Variants in NEB observed in about 807,000 individuals in gnomAD.
NEB encodes the protein nemaline myopathy type 2.
Under a neutral mutation model 952.2 loss-of-function variants are expected in NEB, and 512 were observed. The ratio of observed to expected loss-of-function variants is 0.54; its 90% CI spans 0.50 to 0.58. The LOEUF (loss-of-function observed/expected upper bound fraction) is 0.58. NEB is among the 20% of genes least tolerant of loss of function. The pLI is 0.00. For missense variants in NEB, 8,428 were observed against 9,231.1 expected (o/e 0.91, Z 3.56); for synonymous variants, 2,900 against 3,149.8 (o/e 0.92, Z 2.66).
At chr2:151,643,458 A>G in intron 57 of NEB, 105 bp from the exon 58 acceptor site, 1 of 976,324 alleles carries the variant, frequency 1.0e-6, no homozygotes, top group African/African-American at 1.6e-5. Flanking sequence ...TTCATATTAT[A>G]CTCTATATTT....
chr2:151,487,359 A>G (rs981267036), intron 181 of NEB, among the ~76,000 whole-genome samples: 1 of 152,192 alleles, frequency 6.6e-6, no homozygotes, highest in Admixed American at 6.5e-5. Context: ...TGTAACCTAT[A>G]TGGTTTTTTC....
intron 161 of NEB, among the ~76,000 whole-genome samples, chr2:151,509,297 G>A (rs961814966): frequency 6.7e-6 from 1 of 149,116 alleles, no homozygotes; most frequent in African/African-American, 2.4e-5. Context: ...AAAGTCACCT[G>A]GATGACTCCT....
chr2:151,493,910 T>TAATC (rs1285895048), intron 174 of NEB, 43 bp from the exon 175 acceptor site: 2 of 1,280,514 alleles, frequency 1.6e-6, no homozygotes, highest in South Asian at 1.4e-5. Flanking sequence ...TACGAGGTAA[T>TAATC]AATCACTATT....
intron 45 of NEB, among the ~76,000 whole-genome samples, chr2:151,662,972 G>A (rs527821690): frequency 1.8e-4 from 28 of 152,196 alleles, no homozygotes; most frequent in Non-Finnish European, 2.9e-4. Flanking sequence ...CCTTGCTTTC[G>A]TCTGCTTTGG....
rs1385956363 is a variant in NEB at position 151,514,795 on chromosome 2, A to G, written c.23016+23T>C. On this transcript the variant is annotated intron_variant, in intron 158 of 181. Coordinates refer to ENST00000397345, the MANE Select transcript of NEB (RefSeq NM_001164508.2). ...TGCAATTATTTGGATTAAGAGGGAA[A>G]GAAAAGACCAAGTGGGCACTACCTC... 1.6e-5 allele frequency: 24 copies of G among 1,481,396 alleles called. No homozygotes were observed. The African/African-American group carries it at 1.8e-4, about 11-fold the overall frequency. The allele number at this position is 1,481,396 out of a possible 1,614,324, so 91.8% of individuals were successfully genotyped here.
At chr2:151,687,589 C>T in intron 26 of NEB, 37 bp downstream of exon 26, 3 of 1,613,512 alleles carry the variant, frequency 1.9e-6, no homozygotes, top group Non-Finnish European at 8.5e-7. Context: ...CCCAAGGCCA[C>T]CCTGTCCAGG....
intron 58 of NEB, 127 bp downstream of exon 58, chr2:151,643,023 A>G (rs2098902904): frequency 1.7e-6 from 2 of 1,199,240 alleles, no homozygotes; most frequent in Non-Finnish European, 2.4e-6. Context: ...TAAGAAGCAC[A>G]ATACTTTAAA....
At position 151,531,799 on chromosome 2, in the gene NEB, A is replaced by T; in HGVS notation, c.21515T>A (p.Ile7172Asn). ...AGTGTTTCTTGCACTTACATCGCTGATTTGTTTGTTGACTTTTGTAGTACG... is the reference window on the plus strand; with the variant it reads ...AGTGTTTCTTGCACTTACATCGCTGTTTTGTTTGTTGACTTTTGTAGTACG... ...HLRTTKVNKQ[I>N]SDILYKLEYN... The change falls in exon 144 of 182, where the codon ATC (isoleucine) becomes AAC (asparagine). Residue 7172 changes from isoleucine (I) to asparagine (N), a missense_variant. By Grantham distance (149) the Ile-to-Asn change is moderately radical. Transcript: ENST00000397345. The T allele has an allele frequency of 6.2e-7, 1 of 1,609,574 alleles. No individual in the cohort carries two copies. The highest frequency in any genetic ancestry group is 8.5e-7 in the Non-Finnish European group (1 of 1,176,688).
At position 151,631,463 on chromosome 2, in the gene NEB, C is replaced by T. The variant is rs577792197; in HGVS notation, c.9415-117G>A. 8.9e-5 allele frequency: 102 copies of T among 1,141,106 alleles called. No homozygotes were observed. In the African/African-American group the frequency reaches 1.2e-3, roughly 13 times the overall value. The allele number at this position is 1,141,106 out of a possible 1,614,324, so 70.7% of individuals were successfully genotyped here. On this transcript the variant is annotated intron_variant, in intron 65 of 181. Coordinates refer to ENST00000397345, the MANE Select transcript of NEB (RefSeq NM_001164508.2). ...GTTTTCTATTCGTAGAAAACAAGCG[C>T]GTTGTATAAGGCAAACTAAAAGAAT...
chr2:151,505,429 T>C (rs371713922), intron 165 of NEB, 49 bp downstream of exon 165: 124 of 1,470,698 alleles, frequency 8.4e-5, no homozygotes, highest in Non-Finnish European at 1.1e-4. Context: ...AGGGTAGCAA[T>C]TGAGAGATGG....
At chr2:151,692,018 C>T (rs2099555083) in intron 22 of NEB, 41 bp downstream of exon 22, 3 of 1,609,010 alleles carry the variant, frequency 1.9e-6, no homozygotes, top group Non-Finnish European at 2.6e-6. Context: ...GGCTCTCAAA[C>T]AATGTCACTG....
At chr2:151,665,179 T>C (rs989430613) in intron 42 of NEB, among the ~76,000 whole-genome samples, 154 bp downstream of exon 42, 2 of 151,850 alleles carry the variant, frequency 1.3e-5, no homozygotes, top group African/African-American at 4.8e-5. Flanking sequence ...AAGAGAACGC[T>C]CTAAACATAA....
Position 151,485,671 on chromosome 2 carries a change from GAGAACTTAGGTAAC to G in NEB, c.*75_*88del, listed in dbSNP as rs1264984711. The G allele has an allele frequency of 7.8e-7, 1 of 1,280,620 alleles. No individual in the cohort carries two copies. Among genetic ancestry groups the G allele is most frequent in the Non-Finnish European group, 1.1e-6 (1 of 938,540 alleles). 79.3% of individuals were successfully genotyped at this position (1,280,620 alleles called of 1,614,324 possible). ...GACACAGAAAAACCATAGGCAGCTT[GAGAACTTAGGTAAC>G]AGTGGAGAGTCTAAACCGAAACATT... On this transcript the variant is annotated 3_prime_UTR_variant, in exon 182 of 182. Coordinates refer to ENST00000397345, the MANE Select transcript of NEB (RefSeq NM_001164508.2).
intron 179 of NEB, 26 bp from the exon 180 acceptor site, chr2:151,490,544 T>G: frequency 6.2e-7 from 1 of 1,603,182 alleles, no homozygotes; most frequent in Non-Finnish European, 8.5e-7. Flanking sequence ...TTGGGGGAGA[T>G]GTAGCAAACA....
intron 71 of NEB, among the ~76,000 whole-genome samples, chr2:151,621,442 A>G (rs2098414736): frequency 6.6e-6 from 1 of 152,238 alleles, no homozygotes; most frequent in Non-Finnish European, 1.5e-5. Context: ...GGATGTGTCC[A>G]TAATCAAATT....
intron 78 of NEB, among the ~76,000 whole-genome samples, 194 bp from the exon 79 acceptor site, chr2:151,611,060 G>A (rs1313637712): frequency 2.0e-5 from 3 of 152,306 alleles, no homozygotes; most frequent in Admixed American, 2.0e-4. Context: ...TATTTAAATA[G>A]CTGTACAATG....
At chr2:151,631,541 A>G (rs1021927838) in intron 65 of NEB, among the ~76,000 whole-genome samples, 195 bp from the exon 66 acceptor site, 3 of 152,194 alleles carry the variant, frequency 2.0e-5, no homozygotes, top group African/African-American at 4.8e-5. Context: ...AAAGTTATCA[A>G]ACATTTCAGG....
intron 68 of NEB, 28 bp from the exon 69 acceptor site, chr2:151,627,862 T>TA: frequency 6.3e-7 from 1 of 1,597,714 alleles, no homozygotes; most frequent in South Asian, 1.1e-5. Context: ...ATTTCAAAAA[T>TA]AAAAATGAAT....
intron 178 of NEB, 95 bp downstream of exon 178, chr2:151,492,003 T>G: frequency 7.7e-7 from 1 of 1,300,692 alleles, no homozygotes; most frequent in Non-Finnish European, 1.1e-6. Flanking sequence ...CAGATTGAAG[T>G]CCTTTATGTT....
Sources: gnomAD v4.1 joint callset for allele counts (sites outside exome capture counted in the v4.1 genomes callset) on GRCh38, gnomAD v4.1.1 for gene constraint, MANE v1.5 for transcripts, NCBI Gene and HGNC (gene_info 2026-07-23, HGNC 2026-07-21) for gene names.